PIK3C2G: variants seen among roughly 807,000 people sequenced by gnomAD.
PIK3C2G encodes the protein phosphatidylinositol-4-phosphate 3-kinase catalytic subunit type 2 gamma.
A neutral mutation model predicts 181.1 loss-of-function variants in PIK3C2G; 168 were observed. The observed-to-expected ratio is 0.93, with a 90% confidence interval of 0.82 to 1.05. PIK3C2G has a LOEUF of 1.05. Among genes scored for constraint, PIK3C2G ranks in the 50% least tolerant of loss-of-function variants. PIK3C2G has a pLI of 0.00. For synonymous variants in PIK3C2G, 573 were observed against 592.2 expected (o/e 0.97, Z 0.47); for missense variants, 1,869 against 1,732.8 (o/e 1.08, Z -1.40).
intron 11 of PIK3C2G, among the ~76,000 whole-genome samples, chr12:18,349,368 T>C (rs1433659739): frequency 6.6e-6 from 1 of 152,100 alleles, no homozygotes; most frequent in Non-Finnish European, 1.5e-5. Context: ...AAAAGGACCA[T>C]AATTAATGTC....
intron 8 of PIK3C2G, among the ~76,000 whole-genome samples, chr12:18,331,229 G>A (rs954828660): frequency 2.0e-5 from 3 of 152,000 alleles, no homozygotes; most frequent in African/African-American, 4.8e-5. Flanking sequence ...ACTTTGCTAC[G>A]ATTGCGTTGA....
intron 18 of PIK3C2G, among the ~76,000 whole-genome samples, chr12:18,437,275 A>C (rs906078202): frequency 3.9e-5 from 6 of 151,994 alleles, no homozygotes; most frequent in African/African-American, 1.4e-4. Context: ...GTATACAATT[A>C]ATATTTATAA....
At chr12:18,586,691 A>C (rs1259537371) in intron 29 of PIK3C2G, among the ~76,000 whole-genome samples, 1 of 152,182 alleles carries the variant, frequency 6.6e-6, no homozygotes, top group Middle Eastern at 3.2e-3. Context: ...AAAATTGAGA[A>C]GAGACTTTTC....
chr12:18,641,823 C>T lies in PIK3C2G; in HGVS notation c.4308+1269C>T, dbSNP rs1282672619. 3.4e-5 allele frequency among the ~76,000 whole-genome samples: 5 copies of T among 145,646 alleles called. No homozygotes were observed. The East Asian group carries it at 8.3e-4, about 24-fold the overall frequency. ...GGAGTGCAGTGGCGCAATCTCAGCT[C>T]ACCACAACCTCCACCTCCCAGATTC... On this transcript the variant is annotated intron_variant, in intron 32 of 32. Transcript: ENST00000538779.
intron 25 of PIK3C2G, among the ~76,000 whole-genome samples, chr12:18,541,564 A>G (rs114237591): frequency 0.021 from 3,250 of 152,024 alleles, 107 homozygotes; most frequent in African/African-American, 0.074. Context: ...TAACTTCTCT[A>G]TGTGATGGGG....
intron 9 of PIK3C2G, among the ~76,000 whole-genome samples, chr12:18,339,207 T>G (rs974768176): frequency 3.9e-5 from 6 of 152,170 alleles, no homozygotes; most frequent in Admixed American, 3.9e-4. Context: ...CTGGTTACAA[T>G]AAATTCATTT....
chr12:18,431,942 T>C (rs957892479), intron 18 of PIK3C2G, among the ~76,000 whole-genome samples: 6 of 152,148 alleles, frequency 3.9e-5, no homozygotes, highest in Non-Finnish European at 7.4e-5. Flanking sequence ...CCAACCAACC[T>C]GAAGGAAAAG....
chr12:18,644,530 T>G (rs538100228), intron 32 of PIK3C2G, among the ~76,000 whole-genome samples: 1 of 152,272 alleles, frequency 6.6e-6, no homozygotes, highest in East Asian at 1.9e-4. Flanking sequence ...GTTCTATGCA[T>G]TTTACATCCC....
chr12:18,342,757 A>G (rs1939260941), intron 9 of PIK3C2G, among the ~76,000 whole-genome samples: 1 of 152,088 alleles, frequency 6.6e-6, no homozygotes, highest in Non-Finnish European at 1.5e-5. Context: ...AATTTAAAGA[A>G]TAATGAAAAT....
intron 6 of PIK3C2G, 33 bp from the exon 7 acceptor site, chr12:18,320,929 T>C: frequency 1.6e-6 from 2 of 1,219,564 alleles, no homozygotes; most frequent in Non-Finnish European, 2.4e-6. Context: ...TCCTATTCAC[T>C]CAATAAATAT....
intron 29 of PIK3C2G, among the ~76,000 whole-genome samples, chr12:18,580,994 A>G (rs1022315684): frequency 6.6e-6 from 1 of 152,154 alleles, no homozygotes. Context: ...TTGCTGTTAT[A>G]TTACATTACT....
intron 5 of PIK3C2G, among the ~76,000 whole-genome samples, chr12:18,306,845 T>C (rs1449378003): frequency 6.6e-6 from 1 of 151,974 alleles, no homozygotes; most frequent in Non-Finnish European, 1.5e-5. Flanking sequence ...TTTCAATATT[T>C]ACAAAATCAA....
chr12:18,448,405 A>C (rs1035835785), intron 18 of PIK3C2G, among the ~76,000 whole-genome samples: 8 of 152,172 alleles, frequency 5.3e-5, no homozygotes, highest in Non-Finnish European at 1.0e-4. Context: ...ATTTTGGGAT[A>C]AGAGCACTTA....
At chr12:18,386,192 C>T (rs1457496384) in intron 14 of PIK3C2G, among the ~76,000 whole-genome samples, 1 of 152,192 alleles carries the variant, frequency 6.6e-6, no homozygotes, top group African/African-American at 2.4e-5. Context: ...AGACAATTCT[C>T]AAAGGTTCCA....
chr12:18,632,588 C>G (rs1949396413), intron 31 of PIK3C2G, among the ~76,000 whole-genome samples: 1 of 152,110 alleles, frequency 6.6e-6, no homozygotes, highest in Admixed American at 6.5e-5. Flanking sequence ...TTGCAGCAGT[C>G]TCACAATTGG....
chr12:18,296,510 G>A (rs10841011), intron 5 of PIK3C2G, among the ~76,000 whole-genome samples: 69,205 of 151,802 alleles, frequency 0.46, 16,030 homozygotes, highest in Non-Finnish European at 0.51. Flanking sequence ...AGAACAGTAC[G>A]TGGTATAAAA....
chr12:18,311,033 C>G (rs1358949849), intron 5 of PIK3C2G, among the ~76,000 whole-genome samples: 8 of 151,856 alleles, frequency 5.3e-5, no homozygotes, highest in Non-Finnish European at 1.2e-4. Flanking sequence ...AAGAATTTTT[C>G]TTATCTCTTT....
At chr12:18,602,201 G>A (rs1164438972) in intron 30 of PIK3C2G, among the ~76,000 whole-genome samples, 3 of 152,090 alleles carry the variant, frequency 2.0e-5, no homozygotes, top group African/African-American at 7.2e-5. Flanking sequence ...GGGCACGGTG[G>A]GAGTGAGACT....
At chr12:18,381,186 G>A (rs1162957561) in intron 13 of PIK3C2G, among the ~76,000 whole-genome samples, 1 of 152,056 alleles carries the variant, frequency 6.6e-6, no homozygotes, top group Non-Finnish European at 1.5e-5. Flanking sequence ...ATTTACCACC[G>A]ATTTTTAAAC....
Sources: gnomAD v4.1 joint callset for allele counts (sites outside exome capture counted in the v4.1 genomes callset) on GRCh38, gnomAD v4.1.1 for gene constraint, MANE v1.5 for transcripts, NCBI Gene and HGNC (gene_info 2026-07-23, HGNC 2026-07-21) for gene names.